SGK2: variants seen among roughly 807,000 people sequenced by gnomAD.
SGK2 encodes the protein serum/glucocorticoid regulated kinase 2.
A neutral mutation model predicts 47.5 loss-of-function variants in SGK2; 36 were observed. The observed-to-expected ratio is 0.76, with a 90% confidence interval of 0.58 to 1.00. The LOEUF (loss-of-function observed/expected upper bound fraction) is 1.00, where lower values mean the gene tolerates loss of function less well. Ranked by LOEUF, SGK2 falls within the 50% of genes least tolerant of loss-of-function variation. The probability of loss-of-function intolerance (pLI) is 0.00; values close to 1 mark genes in which losing one functional copy is unlikely to be tolerated. For missense variants in SGK2, 404 were observed against 467.4 expected, an observed-to-expected ratio of 0.86 and a Z score of 1.25; for synonymous variants, 157 against 181.9, an observed-to-expected ratio of 0.86 and a Z score of 1.10.
intron 1 of SGK2, among the ~76,000 whole-genome samples, chr20:43,563,911 C>T (rs532828025): frequency 5.3e-5 from 8 of 152,334 alleles, no homozygotes; most frequent in Middle Eastern, 3.4e-3. Flanking sequence ...CCAGATCCTC[C>T]GCATTTCAGA....
At chr20:43,575,977 T>A (rs560247450) in intron 10 of SGK2, among the ~76,000 whole-genome samples, 1 of 152,290 alleles carries the variant, frequency 6.6e-6, no homozygotes, top group Non-Finnish European at 1.5e-5. Context: ...AAATGCAAAG[T>A]TGGTGCATAA....
intron 9 of SGK2, 87 bp from the exon 10 acceptor site, chr20:43,574,822 G>T: frequency 2.2e-6 from 2 of 894,718 alleles, no homozygotes; most frequent in East Asian, 2.7e-5. Context: ...GTCAGCTCTT[G>T]GTCATCTTCC....
chr20:43,568,983 T>G (rs186197642), intron 5 of SGK2, among the ~76,000 whole-genome samples: 1 of 152,272 alleles, frequency 6.6e-6, no homozygotes, highest in Non-Finnish European at 1.5e-5. Flanking sequence ...GGTGGGATTC[T>G]GATGGTCTGA....
At chr20:43,584,125 G>T (rs1980966203) in intron 12 of SGK2, among the ~76,000 whole-genome samples, 1 of 152,124 alleles carries the variant, frequency 6.6e-6, no homozygotes, top group East Asian at 1.9e-4. Flanking sequence ...GAGTTGGCAG[G>T]CAGCCAGGGC....
intron 1 of SGK2, among the ~76,000 whole-genome samples, chr20:43,564,010 T>TA (rs1306043299): frequency 6.6e-6 from 1 of 152,186 alleles, no homozygotes; most frequent in Non-Finnish European, 1.5e-5. Flanking sequence ...TCCCCTGTAG[T>TA]ATACTGTAGC....
chr20:43,563,432 A>G (rs1421998468), intron 1 of SGK2, among the ~76,000 whole-genome samples: 1 of 152,118 alleles, frequency 6.6e-6, no homozygotes, highest in African/African-American at 2.4e-5. Context: ...AGGATGAGGA[A>G]CTCATCACTG....
Position 43,566,550 on chromosome 20 carries a change from C to G in SGK2, c.36+19C>G, listed in dbSNP as rs749566868. 1 of 1,557,986 alleles carries G rather than the reference C, an allele frequency of 6.4e-7. No individual in the cohort carries two copies. The highest frequency in any genetic ancestry group is 1.1e-5 in the South Asian group (1 of 88,576). On this transcript the variant is annotated intron_variant, in intron 2 of 12. Coordinates refer to ENST00000373100, the MANE Select transcript of SGK2 (RefSeq NM_170693.3). ...TCCACAGGTGAGTGGTTCTTGGTCC[C>G]CCACCCATCATCGGGGGCTCACTTC...
At chr20:43,567,764 C>G (rs1203975828) in intron 4 of SGK2, 42 bp downstream of exon 4, 2 of 1,602,090 alleles carry the variant, frequency 1.2e-6, no homozygotes, top group South Asian at 1.1e-5. Context: ...GTCTTCCCTT[C>G]TGCAGCCTCT....
chr20:43,585,104 A>C lies in SGK2; in HGVS notation c.*88A>C. ...CTAGGAAGAGCGACTCAAACTAACA[A>C]TGGCTTCAACGAGAAGCAGGTTTAT... is the stretch of plus-strand genomic sequence containing the variant. On this transcript the variant is annotated 3_prime_UTR_variant, in exon 13 of 13. Coordinates refer to ENST00000373100, the MANE Select transcript of SGK2 (RefSeq NM_170693.3). 5.6e-6 allele frequency: 7 copies of C among 1,257,270 alleles called. No homozygotes were observed. Among genetic ancestry groups the C allele is most frequent in the Non-Finnish European group, 5.6e-6 (5 of 899,054 alleles). 77.9% of individuals were successfully genotyped at this position (1,257,270 alleles called of 1,614,324 possible). A position where few individuals can be genotyped will look rare whatever the true frequency, so the allele number is the denominator to read the frequency against.
intron 1 of SGK2, among the ~76,000 whole-genome samples, chr20:43,561,033 G>A (rs1324143302): frequency 1.3e-5 from 2 of 152,206 alleles, no homozygotes; most frequent in African/African-American, 2.4e-5. Flanking sequence ...AACCATCCTG[G>A]TTGGCCCAGG....
rs1980184713 is a variant in SGK2 at position 43,572,210 on chromosome 20, G to T, written c.597+73G>T. The T allele has an allele frequency of 8.7e-7, 1 of 1,154,432 alleles. No individual in the cohort carries two copies. The highest frequency in any genetic ancestry group is 1.3e-6 in the Non-Finnish European group (1 of 788,342). 71.5% of individuals were successfully genotyped at this position (1,154,432 alleles called of 1,614,324 possible). On this transcript the variant is annotated intron_variant, in intron 9 of 12. Transcript: ENST00000373100. The surrounding 1 kb of genome is among the most constrained non-coding windows in gnomAD (Gnocchi z 4.2). ...CACAGCTCCTGATTAGAGCCAACAG[G>T]TTACAGTGAAGGGGACTCACTCCTT...
intron 12 of SGK2, among the ~76,000 whole-genome samples, chr20:43,580,842 A>G (rs1980749555): frequency 6.6e-6 from 1 of 150,800 alleles, no homozygotes; most frequent in Non-Finnish European, 1.5e-5. Flanking sequence ...ATTTCCTTCC[A>G]GTCACTTTTC....
rs748703098 is a variant in SGK2, at chr20:43,571,068, T to TGGGG, written c.510+9_510+10insGGGG. The TGGGG allele has an allele frequency of 0.034, 2,585 of 76,970 alleles. 20 individuals are homozygous for TGGGG. Among genetic ancestry groups the TGGGG allele is most frequent in the African/African-American group, 0.16 (1,884 of 11,534 alleles). The allele number at this position is 76,970 out of a possible 1,614,324, so 4.8% of individuals were successfully genotyped here. A position where few individuals can be genotyped will look rare whatever the true frequency, so the allele number is the denominator to read the frequency against. ...ATTCTCTTGGACTGCCAGGTTGGTGTGTGTGTGTGTGTGTGTGTGTGTGTG... is the reference window on the plus strand; with the variant it reads ...ATTCTCTTGGACTGCCAGGTTGGTGTGGGGGTGTGTGTGTGTGTGTGTGTGTGTG... On this transcript the variant is annotated intron_variant, in intron 8 of 12. Coordinates refer to ENST00000373100, the MANE Select transcript of SGK2 (RefSeq NM_170693.3).
chr20:43,561,190 G>A (rs1450533446), intron 1 of SGK2, among the ~76,000 whole-genome samples: 3 of 152,138 alleles, frequency 2.0e-5, no homozygotes, highest in Non-Finnish European at 1.5e-5. Context: ...AGGTGCCTGG[G>A]GGAAGAGTGT....
chr20:43,568,648 A>G (rs560669781), intron 5 of SGK2, among the ~76,000 whole-genome samples: 11 of 151,926 alleles, frequency 7.2e-5, no homozygotes, highest in East Asian at 3.9e-4. Flanking sequence ...CTCCTGGCTA[A>G]TTTTTGTATT....
rs111701143 is a variant in SGK2 at position 43,579,886 on chromosome 20, G to T, written c.850-86G>T. 3.8e-4 allele frequency: 313 copies of T among 831,496 alleles called. 3 individuals are homozygous for T. The African/African-American group carries it at 4.5e-3, about 12-fold the overall frequency. The allele number at this position is 831,496 out of a possible 1,614,324, so 51.5% of individuals were successfully genotyped here. On this transcript the variant is annotated intron_variant, in intron 11 of 12. Transcript: ENST00000373100. ...TCCAGTTGACAGCCAGTTGCTTGTG[G>T]AGCTCTGGAGGATGTGGGGGTGAGG...
chr20:43,583,767 A>G, intron 12 of SGK2: 1 of 224,118 alleles, frequency 4.5e-6, no homozygotes, highest in African/African-American at 2.3e-5. Flanking sequence ...CCAGGAGTTC[A>G]AGACCAGCCT....
chr20:43,561,178 G>A (rs993783160), intron 1 of SGK2, among the ~76,000 whole-genome samples: 1 of 152,184 alleles, frequency 6.6e-6, no homozygotes, highest in African/African-American at 2.4e-5. Context: ...AAACAGCCAT[G>A]CAGGTGCCTG....
At chr20:43,583,373 C>T in intron 12 of SGK2, 4 of 1,261,546 alleles carry the variant, frequency 3.2e-6, no homozygotes, top group Non-Finnish European at 4.1e-6. Flanking sequence ...GTGAGGTCTT[C>T]AGTAAGTCTC....
Sources: gnomAD v4.1 joint callset for allele counts (sites outside exome capture counted in the v4.1 genomes callset) on GRCh38, gnomAD v4.1.1 for gene constraint, Gnocchi (gnomAD v3.1) non-coding constraint, MANE v1.5 for transcripts, NCBI Gene and HGNC (gene_info 2026-07-23, HGNC 2026-07-21) for gene names.